Variants in LMBRD1 observed in about 807,000 individuals in gnomAD.
LMBRD1 encodes lysosomal cobalamin transport escort protein LMBD1.
Under a neutral mutation model 74.8 loss-of-function variants are expected in LMBRD1, and 64 were observed. The ratio of observed to expected loss-of-function variants is 0.86; its 90% CI spans 0.70 to 1.05. The LOEUF (loss-of-function observed/expected upper bound fraction) is 1.05, where lower values mean the gene tolerates loss of function less well. LMBRD1 is among the 50% of genes least tolerant of loss of function. The probability of loss-of-function intolerance (pLI) is 0.00; values close to 1 mark genes in which losing one functional copy is unlikely to be tolerated. For synonymous variants in LMBRD1, 204 were observed against 216.3 expected (o/e 0.94, Z 0.50); for missense variants, 652 against 645.9 (o/e 1.01, Z -0.10).
chr6:69,676,330 T>A, intron 15 of LMBRD1, 59 bp from the exon 16 acceptor site: 1 of 1,589,140 alleles, frequency 6.3e-7, no homozygotes. Flanking sequence ...TGGAAAGTAA[T>A]GCTTTAAAAT....
intron 3 of LMBRD1, among the ~76,000 whole-genome samples, chr6:69,768,535 ATATAT>A (rs1209210780): frequency 1.8e-4 from 27 of 152,098 alleles, no homozygotes; most frequent in African/African-American, 6.5e-4. Context: ...TTTTATGTCT[ATATAT>A]TATAAACCCT....
intron 9 of LMBRD1, among the ~76,000 whole-genome samples, chr6:69,713,011 A>G (rs1766415758): frequency 6.6e-6 from 1 of 152,188 alleles, no homozygotes; most frequent in Non-Finnish European, 1.5e-5. Context: ...AACTATGTGC[A>G]GTTTTAAAAG....
At chr6:69,767,768 A>T (rs1765500741) in intron 3 of LMBRD1, among the ~76,000 whole-genome samples, 1 of 151,898 alleles carries the variant, frequency 6.6e-6, no homozygotes, top group African/African-American at 2.4e-5. Context: ...CTATCAGAAA[A>T]CAATTATTTC....
At chr6:69,677,116 CTG>C (rs1156584294) in intron 14 of LMBRD1, among the ~76,000 whole-genome samples, 6 of 152,128 alleles carry the variant, frequency 3.9e-5, no homozygotes, top group Non-Finnish European at 7.4e-5. Flanking sequence ...CAAGGGAAAA[CTG>C]TGTATTTTCA....
intron 8 of LMBRD1, among the ~76,000 whole-genome samples, chr6:69,717,337 C>T (rs189374620): frequency 6.6e-6 from 1 of 152,186 alleles, no homozygotes; most frequent in Admixed American, 6.5e-5. Context: ...TCTTATCTGA[C>T]TCACATTGCC....
At chr6:69,719,759 T>C (rs963486691) in intron 7 of LMBRD1, among the ~76,000 whole-genome samples, 1 of 152,174 alleles carries the variant, frequency 6.6e-6, no homozygotes. Context: ...CTGACCATAT[T>C]TCCTTAGCAG....
At chr6:69,782,589 G>A (rs1765859334) in intron 2 of LMBRD1, among the ~76,000 whole-genome samples, 2 of 152,024 alleles carry the variant, frequency 1.3e-5, no homozygotes, top group African/African-American at 2.4e-5. Flanking sequence ...GATGAGGAAT[G>A]AGAATTGCTT....
intron 4 of LMBRD1, among the ~76,000 whole-genome samples, chr6:69,750,849 G>C (rs1368731185): frequency 6.6e-6 from 1 of 151,870 alleles, no homozygotes; most frequent in Non-Finnish European, 1.5e-5. Context: ...TTTTTTCTAG[G>C]AGTCATTTAA....
chr6:69,712,911 T>C (rs971977327), intron 9 of LMBRD1, among the ~76,000 whole-genome samples: 1 of 152,068 alleles, frequency 6.6e-6, no homozygotes, highest in Admixed American at 6.6e-5. Context: ...ATAGAAAGTT[T>C]TGGAGGTGAT....
At chr6:69,757,575 G>A (rs376304528) in intron 3 of LMBRD1, among the ~76,000 whole-genome samples, 1 of 152,246 alleles carries the variant, frequency 6.6e-6, no homozygotes, top group Admixed American at 6.5e-5. Context: ...TGTAAAGAGA[G>A]AATTAAATGA....
At chr6:69,771,755 G>A (rs921714660) in intron 3 of LMBRD1, among the ~76,000 whole-genome samples, 13 of 152,036 alleles carry the variant, frequency 8.6e-5, no homozygotes, top group South Asian at 2.1e-4. Context: ...AGGAAAAGAC[G>A]TATCATATTT....
intron 5 of LMBRD1, among the ~76,000 whole-genome samples, chr6:69,747,125 A>G (rs1767252961): frequency 1.3e-5 from 2 of 152,098 alleles, no homozygotes; most frequent in African/African-American, 4.8e-5. Context: ...GTATTTGGAT[A>G]TACGTCATTT....
At chr6:69,732,449 A>C (rs915969506) in intron 7 of LMBRD1, among the ~76,000 whole-genome samples, 1 of 152,146 alleles carries the variant, frequency 6.6e-6, no homozygotes, top group Non-Finnish European at 1.5e-5. Flanking sequence ...TGTACTTCCC[A>C]GTCTCTAGAA....
intron 3 of LMBRD1, among the ~76,000 whole-genome samples, chr6:69,771,790 A>G (rs1285766930): frequency 2.6e-5 from 4 of 152,156 alleles, no homozygotes. Context: ...TGACTGCTAT[A>G]TTGTCAGTAA....
At position 69,774,991 on chromosome 6, in the gene LMBRD1, G is replaced by GGAAGGAAGGAAGGAAGGAAGGA. The variant is rs1394719550; in HGVS notation, c.307+5502_307+5503insTCCTTCCTTCCTTCCTTCCTTC. Among the ~76,000 whole-genome samples the GGAAGGAAGGAAGGAAGGAAGGA allele has an allele frequency of 5.2e-4, 22 of 42,660 alleles. 3 individuals carry two copies. The highest frequency in any genetic ancestry group is 1.0e-3 in the Admixed American group (4 of 3,816). The allele number at this position is 42,660 out of a possible 152,430, so 28.0% of individuals were successfully genotyped here. A position where few individuals can be genotyped will look rare whatever the true frequency, so the allele number is the denominator to read the frequency against. ...GAAGGAAGGAAGGAAGGAAGGAAGG[G>GGAAGGAAGGAAGGAAGGAAGGA]AGGGAGGGAGGGAGGGAGGGAGGGA... is the stretch of plus-strand genomic sequence containing the variant. On this transcript the variant is annotated intron_variant, in intron 3 of 15. Transcript: ENST00000649934.
At chr6:69,727,815 T>G (rs1301831416) in intron 7 of LMBRD1, among the ~76,000 whole-genome samples, 1 of 152,188 alleles carries the variant, frequency 6.6e-6, no homozygotes, top group Non-Finnish European at 1.5e-5. Flanking sequence ...CTTTAACATT[T>G]CCTTATAGGA....
intron 1 of LMBRD1, among the ~76,000 whole-genome samples, chr6:69,792,956 A>C (rs1454842243): frequency 6.6e-6 from 1 of 152,198 alleles, no homozygotes; most frequent in Non-Finnish European, 1.5e-5. Flanking sequence ...AAAACTGATA[A>C]CCTTAAAGAG....
At chr6:69,744,438 A>G (rs756840389) in intron 5 of LMBRD1, among the ~76,000 whole-genome samples, 1 of 152,236 alleles carries the variant, frequency 6.6e-6, no homozygotes, top group Non-Finnish European at 1.5e-5. Context: ...TAGTAAGATT[A>G]TACTTTTCCC....
rs1765068261 is a variant in LMBRD1 at position 69,749,369 on chromosome 6, C to A, written c.445G>T (p.Val149Leu). 1 of 1,608,636 alleles carries A rather than the reference C, an allele frequency of 6.2e-7. No homozygotes were observed. The highest frequency in any genetic ancestry group is 1.4e-5 in the African/African-American group (1 of 73,228). ...ACTAAAAGAAGCAGTGCACAAATCA[C>A]AACAAATCCCAAAGTATACTTGAGT... ...TALKYTLGFVVICALLLLVGA... is the reference protein window; with the variant it reads ...TALKYTLGFVLICALLLLVGA... The change falls in exon 5 of 16, where the codon GTG becomes TTG. Residue 149 changes from valine to leucine, a missense_variant. By Grantham distance (32) the Val-to-Leu change is conservative. Transcript: ENST00000649934.
Sources: gnomAD v4.1 joint callset for allele counts (sites outside exome capture counted in the v4.1 genomes callset) on GRCh38, gnomAD v4.1.1 for gene constraint, MANE v1.5 for transcripts, NCBI Gene and HGNC (gene_info 2026-07-23, HGNC 2026-07-21) for gene names.